CEP85: variants seen among roughly 807,000 people sequenced by gnomAD.
The protein encoded by CEP85 is centrosomal protein 85.
A neutral mutation model predicts 93.7 loss-of-function variants in CEP85; 58 were observed. The ratio of observed to expected loss-of-function variants is 0.62; its 90% CI spans 0.50 to 0.77. The LOEUF (loss-of-function observed/expected upper bound fraction) is 0.77, where lower values mean the gene tolerates loss of function less well. Ranked by LOEUF, CEP85 falls within the 30% of genes least tolerant of loss-of-function variation. The pLI is 0.00. For missense variants in CEP85, 868 were observed against 922.0 expected, an observed-to-expected ratio of 0.94 and a Z score of 0.76; for synonymous variants, 314 against 338.6, an observed-to-expected ratio of 0.93 and a Z score of 0.80.
intron 3 of CEP85, among the ~76,000 whole-genome samples, chr1:26,251,697 C>T (rs2089618321): frequency 6.6e-6 from 1 of 152,182 alleles, no homozygotes; most frequent in Non-Finnish European, 1.5e-5. Context: ...GTTTCCAACA[C>T]ATGAACTTTT....
intron 7 of CEP85, among the ~76,000 whole-genome samples, chr1:26,266,517 A>G (rs1254099091): frequency 2.6e-5 from 4 of 152,236 alleles, no homozygotes; most frequent in Non-Finnish European, 1.5e-5. Context: ...TGGTCAGTTT[A>G]CCATTTTCAG....
At position 26,278,016 on chromosome 1, in the gene CEP85, G is replaced by A. The variant is rs1370533593; in HGVS notation, c.*723G>A. 1 of 152,564 alleles carries A rather than the reference G, an allele frequency of 6.6e-6. No homozygotes were observed. Among genetic ancestry groups the A allele is most frequent in the East Asian group, 1.9e-4 (1 of 5,204 alleles). The allele number at this position is 152,564 out of a possible 1,614,324, so 9.5% of individuals were successfully genotyped here. Reference sequence around the variant, plus strand: ...TGCTAAACTTTCTCCTTTGTTCTCAGGCCTTCCAGGTAGTCCCCTTCCTGG... The same window carrying A: ...TGCTAAACTTTCTCCTTTGTTCTCAAGCCTTCCAGGTAGTCCCCTTCCTGG... On this transcript the variant is annotated 3_prime_UTR_variant, in exon 14 of 14. Coordinates refer to ENST00000451429, the MANE Select transcript of CEP85 (RefSeq NM_001319944.2).
At chr1:26,249,844 G>A (rs1022031684) in intron 3 of CEP85, among the ~76,000 whole-genome samples, 1 of 152,144 alleles carries the variant, frequency 6.6e-6, no homozygotes, top group Middle Eastern at 3.2e-3. Flanking sequence ...GTAGATTTCT[G>A]TAAATAAAAA....
rs1412370012 is a variant in CEP85, at chr1:26,277,747, G to T, written c.*454G>T. 6.4e-6 allele frequency: 1 copy of T among 155,538 alleles called. No homozygotes were observed. Among genetic ancestry groups the T allele is most frequent in the African/African-American group, 2.4e-5 (1 of 41,466 alleles). 9.6% of individuals were successfully genotyped at this position (155,538 alleles called of 1,614,324 possible). ...CCATTTAAGAATTCTCAGGCCCCAT[G>T]TGCCAGCCTTCTTGGGAACTGAGCT... is the stretch of plus-strand genomic sequence containing the variant. On this transcript the variant is annotated 3_prime_UTR_variant, in exon 14 of 14. Coordinates refer to ENST00000451429, the MANE Select transcript of CEP85 (RefSeq NM_001319944.2).
At chr1:26,240,590 A>G (rs2089406198) in intron 2 of CEP85, among the ~76,000 whole-genome samples, 1 of 152,130 alleles carries the variant, frequency 6.6e-6, no homozygotes, top group African/African-American at 2.4e-5. Flanking sequence ...GGTTGAATTC[A>G]CAAACGTAGA....
Position 26,253,145 on chromosome 1 carries a change from A to G in CEP85, c.209-2026A>G, listed in dbSNP as rs117766865. Among the ~76,000 whole-genome samples the G allele has an allele frequency of 8.7e-3, 1,329 of 152,276 alleles. 70 individuals carry two copies. Among genetic ancestry groups the G allele is most frequent in the Admixed American group, 0.07 (1,072 of 15,280 alleles). ...CCTTATCTGTTCGTCTGTTGATTCT[A>G]TAACTTGGCTATTGTGAATAATTAC... On this transcript the variant is annotated intron_variant, in intron 3 of 13. Coordinates refer to ENST00000451429, the MANE Select transcript of CEP85 (RefSeq NM_001319944.2).
intron 11 of CEP85, among the ~76,000 whole-genome samples, chr1:26,273,517 G>A (rs2124613171): frequency 6.6e-6 from 1 of 152,238 alleles, no homozygotes; most frequent in Non-Finnish European, 1.5e-5. Flanking sequence ...AGGTTTCCTA[G>A]AACCCTTGGG....
chr1:26,253,149 C>G (rs1468160847), intron 3 of CEP85, among the ~76,000 whole-genome samples: 1 of 152,138 alleles, frequency 6.6e-6, no homozygotes, highest in East Asian at 1.9e-4. Flanking sequence ...GATTCTATAA[C>G]TTGGCTATTG....
intron 3 of CEP85, among the ~76,000 whole-genome samples, chr1:26,247,808 GTTTGTTTTGT>G (rs569238071): frequency 5.9e-5 from 9 of 151,874 alleles, no homozygotes; most frequent in African/African-American, 1.5e-4. Flanking sequence ...CACTCAGCCA[GTTTGTTTTGT>G]TTTGTTTTGT....
At chr1:26,243,137 T>C (rs927239430) in intron 2 of CEP85, among the ~76,000 whole-genome samples, 1 of 151,380 alleles carries the variant, frequency 6.6e-6, no homozygotes, top group African/African-American at 2.4e-5. Context: ...TCTTTTTTTT[T>C]TTTTTTTTTT....
At chr1:26,243,949 C>A (rs1457256165) in intron 2 of CEP85, among the ~76,000 whole-genome samples, 1 of 144,572 alleles carries the variant, frequency 6.9e-6, no homozygotes, top group Non-Finnish European at 1.5e-5. Context: ...GTGAGCTGCG[C>A]GCCACTGCAC....
intron 8 of CEP85, 157 bp from the exon 9 acceptor site, chr1:26,269,303 T>C (rs2089937403): frequency 3.1e-6 from 2 of 655,190 alleles, no homozygotes; most frequent in Non-Finnish European, 5.3e-6. Flanking sequence ...CATTGTTCCA[T>C]CTGCGAGGAG....
intron 7 of CEP85, among the ~76,000 whole-genome samples, chr1:26,266,885 C>G (rs2089902263): frequency 1.3e-5 from 2 of 152,204 alleles, no homozygotes; most frequent in African/African-American, 4.8e-5. Context: ...ACAGACATAG[C>G]TCTTTCTCTC....
chr1:26,252,299 G>A (rs1319822064), intron 3 of CEP85, among the ~76,000 whole-genome samples: 3 of 152,024 alleles, frequency 2.0e-5, no homozygotes, highest in South Asian at 2.1e-4. Flanking sequence ...TTGGGAGGCC[G>A]AGGCGGGCGG....
At chr1:26,275,763 C>G (rs1279184133) in intron 12 of CEP85, among the ~76,000 whole-genome samples, 1 of 152,076 alleles carries the variant, frequency 6.6e-6, no homozygotes, top group East Asian at 1.9e-4. Flanking sequence ...AAGGAACCTC[C>G]TTGAGTTAGG....
At chr1:26,243,541 T>C (rs1271303510) in intron 2 of CEP85, among the ~76,000 whole-genome samples, 1 of 152,134 alleles carries the variant, frequency 6.6e-6, no homozygotes, top group African/African-American at 2.4e-5. Flanking sequence ...TTTCAGTAAG[T>C]AGGTAGGCAA....
rs762699203 is a variant in CEP85, at chr1:26,255,634, G to A, written c.672G>A (p.Glu224=). ...AGGAGTTGTACAGAGTGTTGCCTGAGGCCAAGAAGGCACCGGGCAGCGGGG... is the reference window on the plus strand; with the variant it reads ...AGGAGTTGTACAGAGTGTTGCCTGAAGCCAAGAAGGCACCGGGCAGCGGGG... ...TSKELYRVLP[E]AKKAPGSGAV... Residue 224 remains glutamate (E), a synonymous_variant, in exon 4 of 14, where the codon GAG becomes GAA. Coordinates refer to ENST00000451429, the MANE Select transcript of CEP85 (RefSeq NM_001319944.2). 36 of 1,613,914 alleles carry A rather than the reference G, an allele frequency of 2.2e-5. No individual in the cohort carries two copies. Among genetic ancestry groups the A allele is most frequent in the Non-Finnish European group, 2.8e-5 (33 of 1,180,040 alleles).
chr1:26,244,044 C>G, intron 2 of CEP85, 122 bp from the exon 3 acceptor site: 1 of 706,514 alleles, frequency 1.4e-6, no homozygotes, highest in South Asian at 2.5e-5. Context: ...GAAATAGGCA[C>G]AGGAGAGAGA....
At chr1:26,239,952 A>C in intron 2 of CEP85, 114 bp downstream of exon 2, 1 of 768,720 alleles carries the variant, frequency 1.3e-6, no homozygotes, top group Non-Finnish European at 2.2e-6. Flanking sequence ...TGCTAAAAGA[A>C]TAAAAATAAC....
Sources: allele counts gnomAD v4.1 joint callset (sites outside exome capture counted in the v4.1 genomes callset), GRCh38; gene constraint gnomAD v4.1.1; transcripts MANE v1.5; gene names NCBI Gene and HGNC (gene_info 2026-07-23, HGNC 2026-07-21).